ADGRA3: variants seen among roughly 807,000 people sequenced by gnomAD.
ADGRA3 encodes G-protein coupled receptor 125.
A neutral mutation model predicts 119.8 loss-of-function variants in ADGRA3; 56 were observed. That is an observed-to-expected ratio of 0.47 (90% CI 0.38 to 0.58). The LOEUF (loss-of-function observed/expected upper bound fraction) is 0.58. ADGRA3 is among the 20% of genes least tolerant of loss of function. The pLI is 0.00. For missense variants in ADGRA3, 1,516 were observed against 1,649.0 expected, an observed-to-expected ratio of 0.92 and a Z score of 1.40; for synonymous variants, 607 against 623.8, an observed-to-expected ratio of 0.97 and a Z score of 0.40.
chr4:22,502,827 A>G (rs1314313591), intron 1 of ADGRA3, among the ~76,000 whole-genome samples: 1 of 151,324 alleles, frequency 6.6e-6, no homozygotes, highest in African/African-American at 2.4e-5. Context: ...AAGAGTCTCA[A>G]GTTTATCCAT....
intron 14 of ADGRA3, 88 bp downstream of exon 14, chr4:22,413,092 CAA>C: frequency 1.1e-6 from 1 of 915,184 alleles, no homozygotes; most frequent in Non-Finnish European, 1.6e-6. Context: ...AAAAAAAAAA[CAA>C]AAAACAAAAA....
intron 14 of ADGRA3, among the ~76,000 whole-genome samples, chr4:22,405,763 T>C (rs577178718): frequency 6.6e-6 from 1 of 152,282 alleles, no homozygotes; most frequent in African/African-American, 2.4e-5. Flanking sequence ...CATAATTGTA[T>C]ATATTTATGG....
Position 22,515,757 on chromosome 4 carries a change from G to A in ADGRA3, c.28C>T (p.Arg10Cys). 1 of 1,022,558 alleles carries A rather than the reference G, an allele frequency of 9.8e-7. No individual in the cohort carries two copies. The highest frequency in any genetic ancestry group is 5.6e-5 in the Admixed American group (1 of 17,890). The allele number at this position is 1,022,558 out of a possible 1,614,324, so 63.3% of individuals were successfully genotyped here. ...GGCAGCAACAGCGGCGGCTGCGCGC[G>A]GCCCCGCCGGCGTCCGGGTGGCTCC... MEPPGRRRG[R>C]AQPPLLLPLS... Residue 10 changes from arginine (R) to cysteine (C), a missense_variant, in exon 1 of 19, where the codon CGC becomes TGC. Arg to Cys is a radical substitution (Grantham distance 180, BLOSUM62 -3). Transcript: ENST00000334304.
intron 16 of ADGRA3, chr4:22,393,357 G>A (rs1714215086): frequency 6.6e-6 from 1 of 152,246 alleles, no homozygotes; most frequent in South Asian, 2.1e-4. Flanking sequence ...TCTTTTTAAG[G>A]AGGAATATAC....
At chr4:22,461,887 C>CA (rs200732819) in intron 2 of ADGRA3, 79 bp from the exon 3 acceptor site, 303 of 795,484 alleles carry the variant, frequency 3.8e-4, no homozygotes, top group African/African-American at 7.9e-4. Flanking sequence ...ACCTGCTATA[C>CA]AAAAAAAACA....
At position 22,400,682 on chromosome 4, in the gene ADGRA3, CAT is replaced by C. The variant is rs559222174; in HGVS notation, c.2481+747_2481+748del. On this transcript the variant is annotated intron_variant, in intron 16 of 18. Coordinates refer to ENST00000334304, the MANE Select transcript of ADGRA3 (RefSeq NM_145290.4). ...GTGAACAATTTGTTTACAGAGATCA[CAT>C]GTTATATATTTTTTTAATTACAGTT... 3.4e-4 allele frequency among the ~76,000 whole-genome samples: 52 copies of C among 151,044 alleles called. 1 individual carries two copies. The South Asian group carries it at 6.3e-3, about 18-fold the overall frequency.
At chr4:22,444,025 T>C (rs188899863) in intron 6 of ADGRA3, among the ~76,000 whole-genome samples, 3 of 147,968 alleles carry the variant, frequency 2.0e-5, no homozygotes, top group African/African-American at 7.5e-5. Flanking sequence ...GTGTGCTTTT[T>C]TGTTTTTTGT....
At chr4:22,484,280 G>A (rs1017602023) in intron 1 of ADGRA3, among the ~76,000 whole-genome samples, 5 of 152,106 alleles carry the variant, frequency 3.3e-5, no homozygotes, top group African/African-American at 1.2e-4. Context: ...TCTTTTAATA[G>A]TCATGTAAGT....
chr4:22,454,985 A>T (rs749625927), intron 3 of ADGRA3, 48 bp from the exon 4 acceptor site: 1 of 1,345,254 alleles, frequency 7.4e-7, no homozygotes, highest in African/African-American at 1.4e-5. Context: ...TCTTGGTTAA[A>T]GAAGGTCTCA....
intron 6 of ADGRA3, among the ~76,000 whole-genome samples, chr4:22,443,894 C>A (rs1241365870): frequency 6.6e-6 from 1 of 151,862 alleles, no homozygotes; most frequent in Admixed American, 6.6e-5. Context: ...ACTTGTGATA[C>A]AACAATAATA....
chr4:22,443,771 A>G (rs904438797), intron 6 of ADGRA3, among the ~76,000 whole-genome samples: 4 of 152,204 alleles, frequency 2.6e-5, no homozygotes, highest in Admixed American at 2.6e-4. Context: ...AAGATGATAC[A>G]AAAAGGTCTT....
intron 14 of ADGRA3, among the ~76,000 whole-genome samples, chr4:22,411,968 AC>A (rs201760270): frequency 1.3e-5 from 2 of 152,122 alleles, no homozygotes; most frequent in East Asian, 3.9e-4. Context: ...ACAAAAAAAA[AC>A]ATACAAGAGT....
intron 12 of ADGRA3, chr4:22,414,393 T>G (rs1397353636): frequency 4.3e-6 from 2 of 460,762 alleles, no homozygotes; most frequent in Non-Finnish European, 7.6e-6. Context: ...TAGGAACAAC[T>G]GAAAATGCTG....
intron 1 of ADGRA3, among the ~76,000 whole-genome samples, chr4:22,510,243 G>A (rs923388824): frequency 3.9e-5 from 6 of 152,008 alleles, no homozygotes; most frequent in African/African-American, 7.2e-5. Context: ...CTCTTTTCAG[G>A]CCACCCAAAT....
At position 22,511,693 on chromosome 4, in the gene ADGRA3, G is replaced by A. The variant is rs182743707; in HGVS notation, c.257+3835C>T. ...CAAACCAGGGAGCCTGGCCATCCTCGACTCAGCCCCTACAGACTCCTCTGA... is the reference window on the plus strand; with the variant it reads ...CAAACCAGGGAGCCTGGCCATCCTCAACTCAGCCCCTACAGACTCCTCTGA... On this transcript the variant is annotated intron_variant, in intron 1 of 18. Transcript: ENST00000334304. Among the ~76,000 whole-genome samples, 9 of 152,054 alleles carry A rather than the reference G, an allele frequency of 5.9e-5. No homozygotes were observed. The East Asian group carries it at 1.6e-3, about 26-fold the overall frequency.
At chr4:22,396,295 A>C (rs1714350702) in intron 16 of ADGRA3, among the ~76,000 whole-genome samples, 1 of 152,194 alleles carries the variant, frequency 6.6e-6, no homozygotes, top group South Asian at 2.1e-4. Context: ...CACCTTTAAT[A>C]ACTTCAAGCA....
chr4:22,434,751 G>T (rs535005731), intron 10 of ADGRA3, among the ~76,000 whole-genome samples: 32 of 152,184 alleles, frequency 2.1e-4, no homozygotes, highest in African/African-American at 7.5e-4. Context: ...GATATCATGT[G>T]GACAAGCATA....
At chr4:22,511,047 C>A (rs1052799529) in intron 1 of ADGRA3, among the ~76,000 whole-genome samples, 3 of 152,198 alleles carry the variant, frequency 2.0e-5, no homozygotes, top group African/African-American at 7.2e-5. Context: ...CAAAACTCTA[C>A]ACACTATTTT....
chr4:22,422,670 CAT>C (rs780197458), intron 11 of ADGRA3, among the ~76,000 whole-genome samples: 14 of 152,160 alleles, frequency 9.2e-5, no homozygotes, highest in Non-Finnish European at 1.9e-4. Flanking sequence ...TTTGTTTACA[CAT>C]AGAGATGGTA....
Sources: allele counts gnomAD v4.1 joint callset (sites outside exome capture counted in the v4.1 genomes callset), GRCh38; gene constraint gnomAD v4.1.1; transcripts MANE v1.5; gene names NCBI Gene and HGNC (gene_info 2026-07-23, HGNC 2026-07-21).